The following DPP10 variants were observed in gnomAD, a reference collection of about 807,000 sequenced individuals.
DPP10 encodes the protein dipeptidyl peptidase like 10.
DPP10 carries 33 observed loss-of-function variants against 120.9 expected under a neutral mutation model. That is an observed-to-expected ratio of 0.27 (90% CI 0.21 to 0.37). The LOEUF (loss-of-function observed/expected upper bound fraction) is 0.37. Among genes scored for constraint, DPP10 ranks in the 10% least tolerant of loss-of-function variants. The pLI, the probability that DPP10 is intolerant of heterozygous loss-of-function variation, is 1.00. For missense variants in DPP10, 816 were observed against 942.8 expected (o/e 0.87, Z 1.76); for synonymous variants, 337 against 326.1 (o/e 1.03, Z -0.36).
intron 5 of DPP10, among the ~76,000 whole-genome samples, chr2:115,611,335 A>G (rs2084083251): frequency 6.6e-6 from 1 of 152,224 alleles, no homozygotes; most frequent in Non-Finnish European, 1.5e-5. Context: ...CAAAAAGTAA[A>G]TTACTATCTT....
At chr2:115,262,466 A>G (rs1032192485) in intron 1 of DPP10, among the ~76,000 whole-genome samples, 2 of 152,116 alleles carry the variant, frequency 1.3e-5, no homozygotes. Flanking sequence ...GTCAGTGAAT[A>G]CAGGTAAATA....
At chr2:114,585,950 A>G (rs1465138425) in intron 1 of DPP10, among the ~76,000 whole-genome samples, 1 of 152,230 alleles carries the variant, frequency 6.6e-6, no homozygotes, top group Non-Finnish European at 1.5e-5. Flanking sequence ...TTCATAACAT[A>G]TAAACATTGT....
chr2:115,354,322 C>G (rs2064225051), intron 3 of DPP10, among the ~76,000 whole-genome samples: 1 of 152,092 alleles, frequency 6.6e-6, no homozygotes. Flanking sequence ...GTTTGTCTCC[C>G]ACATTCCCTC....
chr2:115,773,393 G>A (rs993629799), intron 13 of DPP10, among the ~76,000 whole-genome samples: 2 of 151,950 alleles, frequency 1.3e-5, no homozygotes, highest in Admixed American at 6.6e-5. Context: ...TGAATTGAAG[G>A]TCACTTGTCT....
rs116415858 is a variant in DPP10, at chr2:115,547,601, C to T, written c.441+21629C>T. Among the ~76,000 whole-genome samples, 531 of 151,996 alleles carry T rather than the reference C, an allele frequency of 3.5e-3. 2 individuals are homozygous for T. The highest frequency in any genetic ancestry group is 0.012 in the African/African-American group (493 of 41,482). Reference sequence around the variant, plus strand: ...CTGCCTGGGCAACATGGTGAAACCCCGCCTCTACAAAAGAATTAGCTGGGC... The same window carrying T: ...CTGCCTGGGCAACATGGTGAAACCCTGCCTCTACAAAAGAATTAGCTGGGC... On this transcript the variant is annotated intron_variant, in intron 5 of 25. Coordinates refer to ENST00000410059, the MANE Select transcript of DPP10 (RefSeq NM_020868.6).
chr2:115,710,879 C>T (rs115518939), intron 7 of DPP10, among the ~76,000 whole-genome samples: 1,704 of 152,050 alleles, frequency 0.011, 21 homozygotes, highest in African/African-American at 0.037. Context: ...AGGTCATAAC[C>T]TTCAATAATA....
intron 3 of DPP10, among the ~76,000 whole-genome samples, chr2:115,432,144 A>G (rs1156636352): frequency 5.3e-5 from 8 of 152,074 alleles, no homozygotes; most frequent in African/African-American, 1.9e-4. Flanking sequence ...CCTTTTTTCT[A>G]CCCTGGGACT....
chr2:115,214,674 A>T (rs1329253260), intron 1 of DPP10, among the ~76,000 whole-genome samples: 1 of 152,114 alleles, frequency 6.6e-6, no homozygotes, highest in Non-Finnish European at 1.5e-5. Flanking sequence ...TTCTCCCTTT[A>T]TTCAATAACA....
At chr2:115,683,408 C>A (rs577137321) in intron 5 of DPP10, among the ~76,000 whole-genome samples, 5 of 151,914 alleles carry the variant, frequency 3.3e-5, no homozygotes, top group Middle Eastern at 3.4e-3. Context: ...TGTGTGATAC[C>A]GTAATCATGA....
chr2:115,203,206 G>C (rs886605144), intron 1 of DPP10, among the ~76,000 whole-genome samples: 2 of 152,160 alleles, frequency 1.3e-5, no homozygotes, highest in South Asian at 2.1e-4. Flanking sequence ...AATGTTTTCT[G>C]CAAGAATGAG....
chr2:115,283,717 G>T (rs781617355), intron 1 of DPP10, among the ~76,000 whole-genome samples: 4 of 152,046 alleles, frequency 2.6e-5, no homozygotes, highest in African/African-American at 9.7e-5. Flanking sequence ...CCCTGAGTAT[G>T]TATGTAGTCA....
chr2:114,983,152 G>A (rs1396347497), intron 1 of DPP10, among the ~76,000 whole-genome samples: 1 of 152,110 alleles, frequency 6.6e-6, no homozygotes, highest in Non-Finnish European at 1.5e-5. Context: ...GAGTGGATAT[G>A]AAGAGAATGC....
intron 1 of DPP10, among the ~76,000 whole-genome samples, chr2:114,504,976 G>A (rs1053258375): frequency 2.7e-5 from 4 of 149,614 alleles, no homozygotes; most frequent in Non-Finnish European, 4.4e-5. Flanking sequence ...CGCTTGAACC[G>A]GGGAGGCAGA....
intron 3 of DPP10, among the ~76,000 whole-genome samples, chr2:115,361,994 TTGTGTGTGTATGTTTTG>T (rs2064801838): frequency 1.2e-5 from 1 of 80,420 alleles, no homozygotes; most frequent in South Asian, 3.9e-4. Context: ...GTGTGTATGT[TTGTGTGTGTATGTTTTG>T]TGTGTATGTT....
intron 5 of DPP10, among the ~76,000 whole-genome samples, chr2:115,562,247 G>T (rs2080733176): frequency 6.6e-6 from 1 of 152,174 alleles, no homozygotes; most frequent in African/African-American, 2.4e-5. Context: ...ATTTAAGGCT[G>T]TAGATTCTGG....
chr2:115,525,827 T>C, intron 4 of DPP10, 71 bp from the exon 5 acceptor site: 1 of 1,172,192 alleles, frequency 8.5e-7, no homozygotes, highest in Non-Finnish European at 1.2e-6. Flanking sequence ...ATTGATTTTT[T>C]TTTACATTTA....
At chr2:115,766,774 C>T (rs548178927) in intron 12 of DPP10, among the ~76,000 whole-genome samples, 3 of 152,194 alleles carry the variant, frequency 2.0e-5, no homozygotes, top group South Asian at 4.1e-4. Flanking sequence ...CAACACTTCA[C>T]GTGGCCTGAG....
chr2:115,458,624 G>A (rs527649882), intron 3 of DPP10, among the ~76,000 whole-genome samples: 1 of 152,096 alleles, frequency 6.6e-6, no homozygotes, highest in East Asian at 1.9e-4. Flanking sequence ...CCAATTTTAT[G>A]AGTTTGTGGA....
intron 3 of DPP10, among the ~76,000 whole-genome samples, chr2:115,486,381 T>C (rs1365669600): frequency 6.6e-6 from 1 of 152,166 alleles, no homozygotes; most frequent in Non-Finnish European, 1.5e-5. Flanking sequence ...TGTTTGTCAA[T>C]TGGACAATGT....
Sources: gnomAD v4.1 joint callset for allele counts (sites outside exome capture counted in the v4.1 genomes callset) on GRCh38, gnomAD v4.1.1 for gene constraint, MANE v1.5 for transcripts, NCBI Gene and HGNC (gene_info 2026-07-23, HGNC 2026-07-21) for gene names.